CHODL: variants seen among roughly 807,000 people sequenced by gnomAD.
CHODL encodes the protein chondrolectin, also known as transmembrane protein MT75.
A neutral mutation model predicts 34.5 loss-of-function variants in CHODL; 29 were observed. That is an observed-to-expected ratio of 0.84 (90% confidence interval 0.63 to 1.15). The LOEUF (loss-of-function observed/expected upper bound fraction) is 1.15. Among genes scored for constraint, CHODL ranks in the 50% most tolerant of loss-of-function variants. CHODL has a pLI of 0.00. For missense variants in CHODL, 332 were observed against 332.5 expected (o/e 1.00, Z 0.01); for synonymous variants, 125 against 116.1 (o/e 1.08, Z -0.49).
chr21:18,224,872 A>G (rs1410273622), intron 2 of CHODL, among the ~76,000 whole-genome samples: 1 of 152,014 alleles, frequency 6.6e-6, no homozygotes, highest in Non-Finnish European at 1.5e-5. Flanking sequence ...TTCAGTCAGT[A>G]TAATACCACT....
At chr21:18,107,735 G>A (rs2065290964) in intron 2 of CHODL, among the ~76,000 whole-genome samples, 1 of 152,162 alleles carries the variant, frequency 6.6e-6, no homozygotes, top group Non-Finnish European at 1.5e-5. Flanking sequence ...CAGAGAAATG[G>A]CCTGAGCTCA....
chr21:18,147,013 C>T lies in CHODL; in HGVS notation c.-44-109496C>T, dbSNP rs2072898762. 2.0e-5 allele frequency among the ~76,000 whole-genome samples: 3 copies of T among 152,148 alleles called. No homozygotes were observed. In the South Asian group the frequency reaches 6.2e-4, roughly 32 times the overall value. On this transcript the variant is annotated intron_variant, in intron 2 of 6. Transcript: ENST00000400127. ...CTTTTAATCCTTTTAGCTTTACCTT[C>T]TTGGCCTTATGTACTCTGCTTGGCA...
At chr21:17,938,218 C>G (rs1175857522) in intron 1 of CHODL, among the ~76,000 whole-genome samples, 1 of 152,250 alleles carries the variant, frequency 6.6e-6, no homozygotes. Context: ...GCTGCCATTT[C>G]TACAGACTGT....
chr21:17,997,568 T>C (rs1328599818), intron 1 of CHODL, among the ~76,000 whole-genome samples: 4 of 152,066 alleles, frequency 2.6e-5, no homozygotes, highest in Non-Finnish European at 5.9e-5. Flanking sequence ...TACCTGAAAC[T>C]GAGAAGAAAA....
At chr21:18,164,353 C>A (rs984316122) in intron 2 of CHODL, among the ~76,000 whole-genome samples, 1 of 152,170 alleles carries the variant, frequency 6.6e-6, no homozygotes, top group Non-Finnish European at 1.5e-5. Flanking sequence ...ATTGCAGTGG[C>A]ACTTTAAAAA....
At chr21:18,065,561 ACC>A (rs2064721806) in intron 2 of CHODL, among the ~76,000 whole-genome samples, 1 of 152,152 alleles carries the variant, frequency 6.6e-6, no homozygotes, top group African/African-American at 2.4e-5. Context: ...GAAGGATTTT[ACC>A]CAAAACATTA....
intron 1 of CHODL, among the ~76,000 whole-genome samples, chr21:18,009,760 T>C (rs997302763): frequency 5.6e-4 from 84 of 150,130 alleles, no homozygotes; most frequent in African/African-American, 1.5e-3. Context: ...TGGTGGTAGG[T>C]GCCTGTAGTC....
At chr21:18,096,259 A>G (rs1235917026) in intron 2 of CHODL, among the ~76,000 whole-genome samples, 3 of 152,102 alleles carry the variant, frequency 2.0e-5, no homozygotes, top group South Asian at 2.1e-4. Context: ...TGATTGTGTT[A>G]TCTGTACAAA....
chr21:17,985,275 T>A (rs1047869540), intron 1 of CHODL, among the ~76,000 whole-genome samples: 13 of 152,192 alleles, frequency 8.5e-5, no homozygotes, highest in Non-Finnish European at 1.9e-4. Flanking sequence ...TATTGCACTT[T>A]TATCAGACTT....
rs993587449 is a variant in CHODL at position 18,257,077 on chromosome 21, A to G, written c.497A>G (p.Asn166Ser). Reference sequence around the variant, plus strand: ...GGGGGTCCCTACCTTTACCAGTGGAATGATGACAGGTGTAACATGAAGCAC... The same window carrying G: ...GGGGGTCCCTACCTTTACCAGTGGAGTGATGACAGGTGTAACATGAAGCAC... ...GLGGPYLYQW[N>S]DDRCNMKHNY... is the part of the protein sequence containing the mutation. Residue 166 changes from asparagine (N) to serine (S), a missense_variant, in exon 3 of 6, where the codon AAT (asparagine) becomes AGT (serine). Transcript: ENST00000299295. 1.2e-6 allele frequency: 2 copies of G among 1,613,818 alleles called. No homozygotes were observed. Among genetic ancestry groups the G allele is most frequent in the Non-Finnish European group, 1.7e-6 (2 of 1,179,884 alleles).
At chr21:17,926,932 C>T (rs1291303997) in intron 1 of CHODL, among the ~76,000 whole-genome samples, 1 of 151,766 alleles carries the variant, frequency 6.6e-6, no homozygotes, top group Non-Finnish European at 1.5e-5. Context: ...TTGGAAATTG[C>T]CTTTCTATAA....
At chr21:17,980,888 A>G (rs1410239964) in intron 1 of CHODL, among the ~76,000 whole-genome samples, 1 of 152,154 alleles carries the variant, frequency 6.6e-6, no homozygotes, top group Non-Finnish European at 1.5e-5. Flanking sequence ...ATGAGAGAAG[A>G]GTCTGGGCTC....
chr21:18,000,003 G>T (rs932112413), intron 1 of CHODL, among the ~76,000 whole-genome samples: 1 of 152,122 alleles, frequency 6.6e-6, no homozygotes, highest in East Asian at 1.9e-4. Flanking sequence ...ATAAACAGCT[G>T]CAGCACTCCA....
chr21:18,193,806 G>A (rs2073547836), intron 2 of CHODL, among the ~76,000 whole-genome samples: 1 of 151,714 alleles, frequency 6.6e-6, no homozygotes, highest in Admixed American at 6.6e-5. Flanking sequence ...CATCATTCAA[G>A]ATTTACAATG....
chr21:18,232,941 T>TTATATATATATATATA (rs752640406), intron 2 of CHODL, among the ~76,000 whole-genome samples: 2,273 of 97,086 alleles, frequency 0.023, 92 homozygotes, highest in African/African-American at 0.054. Context: ...CATGATGTTA[T>TTATATATATATATATA]GATATATATA....
chr21:17,994,752 C>A (rs1202356094), intron 1 of CHODL, among the ~76,000 whole-genome samples: 2 of 152,120 alleles, frequency 1.3e-5, no homozygotes, highest in Non-Finnish European at 2.9e-5. Flanking sequence ...GTGCCGATGG[C>A]AGAAGGCAGG....
At chr21:17,972,628 C>T (rs1463663683) in intron 1 of CHODL, among the ~76,000 whole-genome samples, 1 of 152,128 alleles carries the variant, frequency 6.6e-6, no homozygotes, top group East Asian at 1.9e-4. Context: ...AACCACTGCT[C>T]AAGGAAATAA....
intron 2 of CHODL, among the ~76,000 whole-genome samples, chr21:18,206,933 G>C (rs988125692): frequency 6.6e-5 from 10 of 151,352 alleles, no homozygotes; most frequent in African/African-American, 2.4e-4. Flanking sequence ...ATGTGCACAA[G>C]GTGCAGGTTT....
chr21:18,141,178 A>T (rs1049470737), intron 2 of CHODL, among the ~76,000 whole-genome samples: 2 of 152,108 alleles, frequency 1.3e-5, no homozygotes, highest in African/African-American at 2.4e-5. Context: ...GACTTGGAGT[A>T]ATCATGGGGA....
Sources: allele counts gnomAD v4.1 joint callset (sites outside exome capture counted in the v4.1 genomes callset), GRCh38; gene constraint gnomAD v4.1.1; transcripts MANE v1.5; gene names NCBI Gene and HGNC (gene_info 2026-07-23, HGNC 2026-07-21).